CADPS: variants seen among roughly 807,000 people sequenced by gnomAD.
CADPS encodes calcium dependent secretion activator, also known as calcium-dependent secretion activator 1.
A neutral mutation model predicts 167.3 loss-of-function variants in CADPS; 57 were observed. That is an observed-to-expected ratio of 0.34 (90% confidence interval 0.28 to 0.42). CADPS has a LOEUF of 0.42. Ranked by LOEUF, CADPS falls within the 20% of genes least tolerant of loss-of-function variation. CADPS has a pLI of 1.00. For missense variants in CADPS, 1,414 were observed against 1,738.1 expected (o/e 0.81, Z 3.32); for synonymous variants, 676 against 635.3 (o/e 1.06, Z -0.96).
At chr3:62,835,327 T>A (rs1329761716) in intron 1 of CADPS, among the ~76,000 whole-genome samples, 1 of 152,176 alleles carries the variant, frequency 6.6e-6, no homozygotes, top group Non-Finnish European at 1.5e-5. Flanking sequence ...GTGGGTTAAA[T>A]CTAGAAAATT....
At chr3:62,771,706 G>GA (rs577379874) in intron 1 of CADPS, among the ~76,000 whole-genome samples, 53 of 152,270 alleles carry the variant, frequency 3.5e-4, no homozygotes, top group African/African-American at 1.3e-3. Context: ...CAGAAAACCT[G>GA]AAAAGATGGA....
intron 3 of CADPS, among the ~76,000 whole-genome samples, chr3:62,671,509 C>A (rs1190640913): frequency 6.6e-6 from 1 of 152,116 alleles, no homozygotes; most frequent in Non-Finnish European, 1.5e-5. Context: ...GCTAGCTGTG[C>A]AGTCACCTCC....
intron 6 of CADPS, among the ~76,000 whole-genome samples, chr3:62,620,641 T>A (rs182008809): frequency 1.0e-3 from 152 of 152,004 alleles, no homozygotes; most frequent in African/African-American, 3.5e-3. Flanking sequence ...CAGTGAGGAG[T>A]GAAACTAACA....
intron 2 of CADPS, among the ~76,000 whole-genome samples, chr3:62,761,875 C>A (rs574790657): frequency 6.6e-6 from 1 of 152,258 alleles, no homozygotes; most frequent in East Asian, 1.9e-4. Context: ...AGCCCTTGGC[C>A]CTGAAAGCCA....
At position 62,438,282 on chromosome 3, in the gene CADPS, T is replaced by G; in HGVS notation, c.3670-71A>C. ...CTCTTCCTTGTTTACCATTCACTTG[T>G]ACCCTCTACTTGCCCTCACACACCC... On this transcript the variant is annotated intron_variant, in intron 27 of 29. Transcript: ENST00000383710. This position sits in a 1 kb window ranked among gnomAD's most constrained non-coding sequence, Gnocchi z 4.7. 1 of 1,106,670 alleles carries G rather than the reference T, an allele frequency of 9.0e-7. No homozygotes were observed. The highest frequency in any genetic ancestry group is 1.4e-6 in the Non-Finnish European group (1 of 729,040). The allele number at this position is 1,106,670 out of a possible 1,614,324, so 68.6% of individuals were successfully genotyped here.
At chr3:62,794,778 T>TAAAAAAAAAAAAAAAAAAAAAAA (rs71126555) in intron 1 of CADPS, among the ~76,000 whole-genome samples, 1 of 99,930 alleles carries the variant, frequency 1.0e-5, no homozygotes, top group African/African-American at 5.0e-5. Context: ...CGCAAGGTGG[T>TAAAAAAAAAAAAAAAAAAAAAAA]AAAAAAAAAA....
chr3:62,599,664 ATATT>A (rs2059458411), intron 6 of CADPS, among the ~76,000 whole-genome samples: 1 of 56,090 alleles, frequency 1.8e-5, no homozygotes, highest in African/African-American at 8.8e-5. Context: ...AATATAATAT[ATATT>A]ATATATACAA....
intron 1 of CADPS, among the ~76,000 whole-genome samples, chr3:62,774,278 C>T (rs1038779335): frequency 4.6e-5 from 7 of 151,382 alleles, no homozygotes; most frequent in East Asian, 1.9e-4. Context: ...CCCTTGAACC[C>T]GATAACATTA....
At chr3:62,424,705 G>C (rs780594215) in intron 28 of CADPS, among the ~76,000 whole-genome samples, 1 of 152,086 alleles carries the variant, frequency 6.6e-6, no homozygotes, top group Non-Finnish European at 1.5e-5. Flanking sequence ...AAAATCAAAT[G>C]GGCCAAAGCG....
chr3:62,627,633 ATAC>A (rs1270711615), intron 6 of CADPS, among the ~76,000 whole-genome samples: 1 of 77,694 alleles, frequency 1.3e-5, no homozygotes, highest in African/African-American at 3.3e-5. Context: ...TTATATGGTA[ATAC>A]AGAATTAAAA....
chr3:62,445,845 A>T (rs1224976381), intron 26 of CADPS, 48 bp from the exon 27 acceptor site: 1 of 1,357,488 alleles, frequency 7.4e-7, no homozygotes, highest in Non-Finnish European at 9.8e-7. Flanking sequence ...TTTATGTTTA[A>T]TTGTTCACTG....
At chr3:62,405,115 G>T (rs927917824) in intron 28 of CADPS, among the ~76,000 whole-genome samples, 2 of 121,856 alleles carry the variant, frequency 1.6e-5, no homozygotes, top group Admixed American at 1.8e-4. Context: ...CACATTTACT[G>T]GTTGTAGCTG....
chr3:62,733,681 T>A (rs1227364304), intron 3 of CADPS, among the ~76,000 whole-genome samples: 1 of 152,152 alleles, frequency 6.6e-6, no homozygotes, highest in African/African-American at 2.4e-5. Flanking sequence ...TGAGGCAAAA[T>A]TTTTTTAATT....
In CADPS at chr3:62,871,584, A is replaced by AC. The variant is rs1458023931; in HGVS notation, c.441+3004dup. The stretch of plus-strand genomic sequence containing the variant: ...TTTCACACTTCAATTGCCATCTTTT[A>AC]CCCATCTACGTGGTGCTTTAGGCAA... On this transcript the variant is annotated intron_variant, in intron 1 of 29. Transcript: ENST00000383710. Among the ~76,000 whole-genome samples the AC allele has an allele frequency of 2.0e-5, 3 of 152,164 alleles. No homozygotes were observed. In the East Asian group the frequency reaches 5.8e-4, roughly 29 times the overall value.
chr3:62,710,233 G>A (rs530553363), intron 3 of CADPS, among the ~76,000 whole-genome samples: 1 of 151,728 alleles, frequency 6.6e-6, no homozygotes, highest in African/African-American at 2.4e-5. Context: ...CTCATGAAGC[G>A]TCTAGGTGGT....
intron 6 of CADPS, among the ~76,000 whole-genome samples, chr3:62,598,162 A>C (rs2059189000): frequency 6.6e-6 from 1 of 152,204 alleles, no homozygotes; most frequent in East Asian, 1.9e-4. Context: ...AGATGGCAAC[A>C]AAAGAGCATT....
chr3:62,559,144 C>G (rs63227662), intron 9 of CADPS, among the ~76,000 whole-genome samples: 133,276 of 151,880 alleles, frequency 0.88, 58,507 homozygotes, highest in Middle Eastern at 0.94. Context: ...TATACAGGCC[C>G]CTTCCTTGCA....
chr3:62,606,578 AT>A (rs2060724732), intron 6 of CADPS, among the ~76,000 whole-genome samples: 1 of 152,202 alleles, frequency 6.6e-6, no homozygotes. Flanking sequence ...CCTTTTCTTT[AT>A]AAATTATCCA....
chr3:62,865,385 T>TAAAAAAAAAA (rs35780515), intron 1 of CADPS, among the ~76,000 whole-genome samples: 1 of 110,150 alleles, frequency 9.1e-6, no homozygotes, highest in African/African-American at 3.4e-5. Context: ...ACTTAAGGAT[T>TAAAAAAAAAA]AAAAAAAAAA....
Sources: gnomAD v4.1 joint callset for allele counts (sites outside exome capture counted in the v4.1 genomes callset) on GRCh38, gnomAD v4.1.1 for gene constraint, Gnocchi (gnomAD v3.1) non-coding constraint, MANE v1.5 for transcripts, NCBI Gene and HGNC (gene_info 2026-07-23, HGNC 2026-07-21) for gene names.